Variants in MYH10 observed in about 807,000 individuals in gnomAD.
The protein encoded by MYH10 is myosin-10.
Under a neutral mutation model 257.8 loss-of-function variants are expected in MYH10, and 55 were observed. The observed-to-expected ratio is 0.21, with a 90% confidence interval of 0.17 to 0.27. MYH10 has a LOEUF of 0.27. Ranked by LOEUF, MYH10 falls within the 10% of genes least tolerant of loss-of-function variation. MYH10 has a pLI of 1.00. For missense variants in MYH10, 1,631 were observed against 2,500.6 expected (o/e 0.65, Z 7.42); for synonymous variants, 854 against 921.7 (o/e 0.93, Z 1.33).
rs772713569 is a variant in MYH10 at position 8,499,417 on chromosome 17, C to T, written c.3804G>A (p.Ala1268=). 92 of 1,614,042 alleles carry T rather than the reference C, an allele frequency of 5.7e-5. No individual in the cohort carries two copies. The highest frequency in any genetic ancestry group is 6.3e-5 in the Non-Finnish European group (74 of 1,180,046). Residue 1268 remains alanine (A), a synonymous_variant, in exon 30 of 43, where the codon GCG becomes GCA. Coordinates refer to ENST00000360416, the MANE Select transcript of MYH10 (RefSeq NM_001256012.3). ...QGLETDNKEL[A]CEVKVLQQVK... is the part of the protein sequence containing the mutation. ...CCTGCTGCAGGACCTTCACCTCACA[C>T]GCCAGCTCCTTGTTATCTGTCTCCA...
At chr17:8,614,443 C>T (rs373249238) in intron 2 of MYH10, among the ~76,000 whole-genome samples, 1 of 151,208 alleles carries the variant, frequency 6.6e-6, no homozygotes, top group African/African-American at 2.4e-5. Flanking sequence ...CTCAGCCTCC[C>T]GAGTAGCTGG....
At chr17:8,565,948 T>C (rs1305742465) in intron 7 of MYH10, among the ~76,000 whole-genome samples, 1 of 152,230 alleles carries the variant, frequency 6.6e-6, no homozygotes, top group Non-Finnish European at 1.5e-5. Context: ...TAATTTAGAC[T>C]ATAATTTGAA....
intron 8 of MYH10, among the ~76,000 whole-genome samples, chr17:8,553,629 C>G (rs2082707957): frequency 6.6e-6 from 1 of 152,148 alleles, no homozygotes; most frequent in Non-Finnish European, 1.5e-5. Flanking sequence ...GCTCATCCTT[C>G]TAATATCAGA....
At chr17:8,589,226 G>A (rs2084029010) in intron 3 of MYH10, 118 bp from the exon 4 acceptor site, 8 of 1,004,752 alleles carry the variant, frequency 8.0e-6, no homozygotes, top group South Asian at 1.5e-5. Context: ...TACTCCTCTC[G>A]AGCCAAGTTA....
chr17:8,510,173 G>T (rs1421205315), intron 24 of MYH10, among the ~76,000 whole-genome samples: 1 of 151,500 alleles, frequency 6.6e-6, no homozygotes, highest in Non-Finnish European at 1.5e-5. Context: ...CGAGTAGCTG[G>T]GACTACAGGT....
Position 8,542,212 on chromosome 17 carries a change from G to T in MYH10, c.1500C>A (p.Thr500=). The T allele has an allele frequency of 6.2e-7, 1 of 1,614,144 alleles. No homozygotes were observed. Among genetic ancestry groups the T allele is most frequent in the Non-Finnish European group, 8.5e-7 (1 of 1,180,018 alleles). Residue 500 remains threonine (T), a synonymous_variant, in exon 14 of 43, where the codon ACC becomes ACA. Coordinates refer to ENST00000360416, the MANE Select transcript of MYH10 (RefSeq NM_001256012.3). ...ATTCCTCTTGTTCTAGGATAAACAT[G>T]GTGTGGTTGAACAGCTGCTGCAGCT... ...NEKLQQLFNH[T]MFILEQEEYQ...
intron 21 of MYH10, among the ~76,000 whole-genome samples, chr17:8,516,709 A>G (rs904853609): frequency 6.6e-6 from 1 of 152,182 alleles, no homozygotes. Context: ...TGCTAACTCT[A>G]TGAAGTTAGC....
chr17:8,488,740 T>C (rs1915278954), intron 35 of MYH10, among the ~76,000 whole-genome samples: 1 of 152,004 alleles, frequency 6.6e-6, no homozygotes, highest in Admixed American at 6.5e-5. Flanking sequence ...GGGGTTGGCA[T>C]GGGAGAGGAG....
intron 3 of MYH10, among the ~76,000 whole-genome samples, chr17:8,599,276 C>T (rs996848138): frequency 6.6e-6 from 1 of 152,160 alleles, no homozygotes; most frequent in Non-Finnish European, 1.5e-5. Context: ...GTGCTTTCTG[C>T]TTGCATACAT....
intron 14 of MYH10, among the ~76,000 whole-genome samples, chr17:8,539,191 T>C (rs1487113911): frequency 6.6e-6 from 1 of 152,194 alleles, no homozygotes; most frequent in African/African-American, 2.4e-5. Context: ...TCAATTTCTT[T>C]TCTTTATAAA....
chr17:8,477,706 C>A lies in MYH10; in HGVS notation c.5706+632G>T, dbSNP rs1042290220. Among the ~76,000 whole-genome samples, 3 of 152,168 alleles carry A rather than the reference C, an allele frequency of 2.0e-5. No individual in the cohort carries two copies. The highest frequency in any genetic ancestry group is 7.2e-5 in the African/African-American group (3 of 41,440). ...GAATGAAGTTGGGGAGGGTTCGGGC[C>A]AAAGGCAGTGAAATCCTCAGATCCA... On this transcript the variant is annotated intron_variant, in intron 41 of 42. Transcript: ENST00000360416. The surrounding 1 kb of genome is among the most constrained non-coding windows in gnomAD (Gnocchi z 4.2).
rs199724654 is a variant in MYH10, at chr17:8,499,353, C to T, written c.3868G>A (p.Ala1290Thr). ...ESEHKRKKLDAQVQELHAKVS... is the reference protein window; with the variant it reads ...ESEHKRKKLDTQVQELHAKVS... ...TTGGCATGGAGCTCCTGGACCTGCG[C>T]GTCGAGCTTCTTCCTCTTGTGCTCA... The change falls in exon 30 of 43, where the codon GCG becomes ACG. Residue 1290 changes from alanine (A) to threonine (T), a missense_variant. Ala to Thr is a moderately conservative substitution (Grantham distance 58). Transcript: ENST00000360416. 175 of 1,614,138 alleles carry T rather than the reference C, an allele frequency of 1.1e-4. No individual in the cohort carries two copies. Among genetic ancestry groups the T allele is most frequent in the African/African-American group, 5.9e-4 (44 of 75,022 alleles).
At chr17:8,512,243 C>A (rs2081320346) in intron 24 of MYH10, among the ~76,000 whole-genome samples, 1 of 152,090 alleles carries the variant, frequency 6.6e-6, no homozygotes, top group Non-Finnish European at 1.5e-5. Context: ...AAAAAAGATT[C>A]CTATACAAAA....
chr17:8,480,531 G>C lies in MYH10; in HGVS notation c.5265-6C>G. On this transcript the variant is annotated splice_region_variant and splice_polypyrimidine_tract_variant and intron_variant, in intron 38 of 42. Coordinates refer to ENST00000360416, the MANE Select transcript of MYH10 (RefSeq NM_001256012.3). ...TCTCATCCAGCAGCGCGGACCTGGC[G>C]GGGAGAGGAGGAGGGGACGGTTCAA... is the stretch of plus-strand genomic sequence containing the variant. 1 of 1,605,120 alleles carries C rather than the reference G, an allele frequency of 6.2e-7. No homozygotes were observed. The highest frequency in any genetic ancestry group is 2.2e-5 in the East Asian group (1 of 44,854).
intron 2 of MYH10, among the ~76,000 whole-genome samples, chr17:8,608,332 A>G (rs1478537606): frequency 1.3e-5 from 2 of 152,364 alleles, no homozygotes; most frequent in African/African-American, 4.8e-5. Flanking sequence ...AACAGGGCCT[A>G]GATGACAGAA....
intron 23 of MYH10, 33 bp downstream of exon 23, chr17:8,513,505 G>A (rs2081365054): frequency 1.2e-6 from 2 of 1,612,168 alleles, no homozygotes; most frequent in East Asian, 4.5e-5. Flanking sequence ...GGGATTCAGG[G>A]CCAAGTGTGA....
chr17:8,614,921 G>T (rs2085198522), intron 2 of MYH10, among the ~76,000 whole-genome samples: 1 of 152,110 alleles, frequency 6.6e-6, no homozygotes, highest in Admixed American at 6.5e-5. Context: ...CAGAAAATAA[G>T]CATATTATGA....
intron 6 of MYH10, among the ~76,000 whole-genome samples, chr17:8,570,719 C>G (rs2083304482): frequency 6.6e-6 from 1 of 152,136 alleles, no homozygotes; most frequent in Non-Finnish European, 1.5e-5. Flanking sequence ...ATGCGATACT[C>G]TAAGCAAAAA....
At chr17:8,480,359 G>A in intron 39 of MYH10, 41 bp from the exon 40 acceptor site, 1 of 1,612,980 alleles carries the variant, frequency 6.2e-7, no homozygotes, top group Non-Finnish European at 8.5e-7. Flanking sequence ...TGCCTGAGGG[G>A]TGGCACAGCC....
Sources: allele counts gnomAD v4.1 joint callset (sites outside exome capture counted in the v4.1 genomes callset), GRCh38; gene constraint gnomAD v4.1.1; non-coding constraint Gnocchi (gnomAD v3.1); transcripts MANE v1.5; gene names NCBI Gene and HGNC (gene_info 2026-07-23, HGNC 2026-07-21).